The following LRRC20 variants were observed in gnomAD, a reference collection of about 807,000 sequenced individuals.
LRRC20 encodes leucine rich repeat containing 20.
LRRC20 carries 11 observed loss-of-function variants against 14.4 expected under a neutral mutation model. That is an observed-to-expected ratio of 0.77 (90% CI 0.48 to 1.27). LRRC20 has a LOEUF of 1.27. Ranked by LOEUF, LRRC20 falls within the 50% of genes most tolerant of loss-of-function variation. LRRC20 has a pLI of 0.00. For missense variants in LRRC20, 219 were observed against 251.2 expected (o/e 0.87, Z 0.87); for synonymous variants, 121 against 107.3 (o/e 1.13, Z -0.79).
At position 70,301,149 on chromosome 10, in the gene LRRC20, C is replaced by T. The variant is rs1346604321; in HGVS notation, c.*205G>A. The T allele has an allele frequency of 2.9e-6, 4 of 1,375,636 alleles. No homozygotes were observed. Among genetic ancestry groups the T allele is most frequent in the Admixed American group, 3.3e-5 (1 of 30,104 alleles). 85.2% of individuals were successfully genotyped at this position (1,375,636 alleles called of 1,614,324 possible). A position where few individuals can be genotyped will look rare whatever the true frequency, so the allele number is the denominator to read the frequency against. On this transcript the variant is annotated 3_prime_UTR_variant, in exon 5 of 5. Transcript: ENST00000446961. Reference sequence around the variant, plus strand: ...GTGAGTGCCGAGTCCAGGCTGCAGGCCCCACCTTGCCTCTTCCCTTGGGCA... The same window carrying T: ...GTGAGTGCCGAGTCCAGGCTGCAGGTCCCACCTTGCCTCTTCCCTTGGGCA...
At chr10:70,368,454 G>A (rs1027207177) in intron 2 of LRRC20, among the ~76,000 whole-genome samples, 1 of 151,822 alleles carries the variant, frequency 6.6e-6, no homozygotes, top group African/African-American at 2.4e-5. Context: ...ACCGCGCCCG[G>A]CCATTTTTGC....
intron 2 of LRRC20, among the ~76,000 whole-genome samples, chr10:70,364,590 T>A (rs1389424112): frequency 1.4e-5 from 2 of 147,712 alleles, no homozygotes. Flanking sequence ...AGTGGAAGCC[T>A]TGGTCAGAAC....
chr10:70,301,652 C>T, intron 4 of LRRC20, 144 bp from the exon 5 acceptor site: 2 of 973,798 alleles, frequency 2.1e-6, no homozygotes, highest in South Asian at 1.7e-5. Context: ...CTCCTGGTGC[C>T]CAGCCCTGTG....
intron 2 of LRRC20, among the ~76,000 whole-genome samples, chr10:70,373,126 G>T (rs1046890247): frequency 6.6e-6 from 1 of 151,758 alleles, no homozygotes; most frequent in African/African-American, 2.4e-5. Flanking sequence ...AAAAAGCATT[G>T]TATAGCTGTA....
At chr10:70,358,094 G>A (rs75539769) in intron 2 of LRRC20, among the ~76,000 whole-genome samples, 38 of 152,252 alleles carry the variant, frequency 2.5e-4, no homozygotes, top group Non-Finnish European at 4.1e-4. Context: ...TGAGAACATC[G>A]CCCTACAGAG....
chr10:70,364,477 C>T (rs1843888566), intron 2 of LRRC20, among the ~76,000 whole-genome samples: 1 of 152,246 alleles, frequency 6.6e-6, no homozygotes, highest in Non-Finnish European at 1.5e-5. Flanking sequence ...TGTTGTGATT[C>T]AGTGGGTATC....
chr10:70,342,191 T>C (rs1409212505), intron 2 of LRRC20, among the ~76,000 whole-genome samples: 1 of 151,720 alleles, frequency 6.6e-6, no homozygotes, highest in African/African-American at 2.4e-5. Context: ...ATGCCTGCAA[T>C]CCCAACTACT....
At chr10:70,377,484 G>C (rs1844551267) in intron 1 of LRRC20, among the ~76,000 whole-genome samples, 1 of 152,172 alleles carries the variant, frequency 6.6e-6, no homozygotes, top group African/African-American at 2.4e-5. Context: ...GGCAAGAATA[G>C]GGTCAGCCCA....
At chr10:70,308,074 A>G (rs955419817) in intron 4 of LRRC20, among the ~76,000 whole-genome samples, 9 of 152,184 alleles carry the variant, frequency 5.9e-5, no homozygotes, top group Admixed American at 5.9e-4. Context: ...ACAAGGGTTG[A>G]GCCTCAGATG....
chr10:70,340,462 G>T (rs1842871346), intron 3 of LRRC20, 91 bp downstream of exon 3: 17 of 1,480,266 alleles, frequency 1.1e-5, no homozygotes, highest in Non-Finnish European at 1.5e-5. Context: ...GCTGACCAGG[G>T]ACCAGCTCTG....
At chr10:70,314,302 G>A (rs574822598) in intron 4 of LRRC20, among the ~76,000 whole-genome samples, 3 of 152,216 alleles carry the variant, frequency 2.0e-5, no homozygotes, top group African/African-American at 7.2e-5. Flanking sequence ...CAAGAAGACA[G>A]CTTCAACCCC....
intron 2 of LRRC20, among the ~76,000 whole-genome samples, chr10:70,357,200 G>A (rs759498845): frequency 4.6e-5 from 7 of 152,192 alleles, no homozygotes; most frequent in Non-Finnish European, 8.8e-5. Flanking sequence ...GGGGCTGGGC[G>A]GAGATCAGGA....
intron 3 of LRRC20, among the ~76,000 whole-genome samples, chr10:70,337,164 C>A (rs1415295121): frequency 6.6e-6 from 1 of 152,166 alleles, no homozygotes; most frequent in Non-Finnish European, 1.5e-5. Flanking sequence ...CTCCCCAGCA[C>A]TAAGGCAGCC....
chr10:70,325,736 G>T (rs1448901510), intron 3 of LRRC20, among the ~76,000 whole-genome samples: 1 of 152,184 alleles, frequency 6.6e-6, no homozygotes, highest in Admixed American at 6.5e-5. Context: ...CAGCTGTCAG[G>T]CCTGAGGGTG....
chr10:70,326,297 TAC>T (rs3998644), intron 3 of LRRC20, among the ~76,000 whole-genome samples: 13,453 of 140,370 alleles, frequency 0.096, 674 homozygotes, highest in Middle Eastern at 0.21. Context: ...CGCCTCTGTG[TAC>T]ACACACACAC....
chr10:70,356,492 G>A (rs1001488571), intron 2 of LRRC20, among the ~76,000 whole-genome samples: 5 of 151,826 alleles, frequency 3.3e-5, no homozygotes, highest in Admixed American at 6.6e-5. Context: ...CCCCAGCCTG[G>A]GCAACAGAGC....
chr10:70,325,514 G>A (rs1301492403), intron 3 of LRRC20, among the ~76,000 whole-genome samples: 2 of 152,206 alleles, frequency 1.3e-5, no homozygotes, highest in African/African-American at 4.8e-5. Flanking sequence ...CAGGGCCACT[G>A]GGGCTTAGCA....
intron 2 of LRRC20, among the ~76,000 whole-genome samples, chr10:70,362,024 T>C (rs1269626900): frequency 2.0e-5 from 3 of 152,110 alleles, no homozygotes; most frequent in South Asian, 4.2e-4. Context: ...CCGTCTCTAC[T>C]AAAAATACAA....
chr10:70,345,137 C>A (rs1386713560), intron 2 of LRRC20, among the ~76,000 whole-genome samples: 1 of 151,502 alleles, frequency 6.6e-6, no homozygotes, highest in Non-Finnish European at 1.5e-5. Context: ...AAACAGAGGG[C>A]AAAATGGAAA....
Sources: gnomAD v4.1 joint callset for allele counts (sites outside exome capture counted in the v4.1 genomes callset) on GRCh38, gnomAD v4.1.1 for gene constraint, MANE v1.5 for transcripts, NCBI Gene and HGNC (gene_info 2026-07-23, HGNC 2026-07-21) for gene names.